Variants in TECRL observed in about 807,000 individuals in gnomAD.
The protein encoded by TECRL is trans-2,3-enoyl-CoA reductase-like.
In TECRL, 63 loss-of-function variants were observed where a neutral mutation model predicts 52.8. The ratio of observed to expected loss-of-function variants is 1.19; its 90% confidence interval spans 0.97 to 1.47. The LOEUF is 1.47. Ranked by LOEUF, TECRL falls within the 40% of genes most tolerant of loss-of-function variation. TECRL has a pLI of 0.00. For synonymous variants in TECRL, 164 were observed against 141.9 expected, an observed-to-expected ratio of 1.16 and a Z score of -1.10; for missense variants, 482 against 429.6, an observed-to-expected ratio of 1.12 and a Z score of -1.08.
intron 9 of TECRL, among the ~76,000 whole-genome samples, chr4:64,283,504 T>C (rs1178526600): frequency 6.6e-6 from 1 of 152,088 alleles, no homozygotes; most frequent in Non-Finnish European, 1.5e-5. Flanking sequence ...TATATTGTTA[T>C]GTTATAGTGG....
chr4:64,370,461 C>T (rs1249516193), intron 2 of TECRL, among the ~76,000 whole-genome samples: 1 of 151,714 alleles, frequency 6.6e-6, no homozygotes, highest in Non-Finnish European at 1.5e-5. Context: ...AAAGCAATAA[C>T]AAAATAAATT....
Position 64,279,682 on chromosome 4 carries a change from A to G in TECRL, c.*390T>C, listed in dbSNP as rs921915287. ...AGTTAATGTTGAGCATTTTAAAAATATACTTATTGACCATGTATATGTCTT... is the reference window on the plus strand; with the variant it reads ...AGTTAATGTTGAGCATTTTAAAAATGTACTTATTGACCATGTATATGTCTT... On this transcript the variant is annotated 3_prime_UTR_variant, in exon 12 of 12. Transcript: ENST00000381210. 21 of 596,044 alleles carry G rather than the reference A, an allele frequency of 3.5e-5. No individual in the cohort carries two copies. The highest frequency in any genetic ancestry group is 4.4e-5 in the Non-Finnish European group (21 of 474,788). The allele number at this position is 596,044 out of a possible 1,614,324, so 36.9% of individuals were successfully genotyped here.
At chr4:64,307,000 G>A (rs540442076) in intron 6 of TECRL, among the ~76,000 whole-genome samples, 9 of 152,216 alleles carry the variant, frequency 5.9e-5, no homozygotes, top group Admixed American at 2.0e-4. Flanking sequence ...ATGTCTGGGG[G>A]AGCCCTAATT....
chr4:64,280,292 T>C (rs1212775411), intron 11 of TECRL, 93 bp from the exon 12 acceptor site: 3 of 1,035,068 alleles, frequency 2.9e-6, no homozygotes, highest in Non-Finnish European at 3.9e-6. Flanking sequence ...GCTTTTAAGA[T>C]GTTTCTCAAA....
At chr4:64,403,540 C>T (rs1407790371) in intron 1 of TECRL, among the ~76,000 whole-genome samples, 3 of 151,458 alleles carry the variant, frequency 2.0e-5, no homozygotes, top group Non-Finnish European at 4.4e-5. Flanking sequence ...AGGCATATCT[C>T]CCTGTTATAT....
intron 6 of TECRL, among the ~76,000 whole-genome samples, chr4:64,307,349 G>C (rs866634368): frequency 1.3e-5 from 2 of 152,296 alleles, no homozygotes; most frequent in South Asian, 2.1e-4. Context: ...ACACTGGAGA[G>C]CTGGGGTGCA....
chr4:64,353,872 A>G, intron 2 of TECRL, among the ~76,000 whole-genome samples: 1 of 152,158 alleles, frequency 6.6e-6, no homozygotes, highest in African/African-American at 2.4e-5. Context: ...ATAAGAGACC[A>G]AAAAACGATA....
chr4:64,374,052 C>CATATATATAT (rs77300773), intron 2 of TECRL, among the ~76,000 whole-genome samples: 71 of 105,952 alleles, frequency 6.7e-4, no homozygotes, highest in African/African-American at 2.3e-3. Flanking sequence ...ATAGTAGATA[C>CATATATATAT]ATATATATAT....
intron 6 of TECRL, among the ~76,000 whole-genome samples, chr4:64,306,349 G>C (rs947270860): frequency 1.3e-5 from 2 of 152,072 alleles, no homozygotes; most frequent in Non-Finnish European, 2.9e-5. Context: ...GATATCCTGG[G>C]GCAACTGAAG....
At chr4:64,393,391 T>C (rs910189145) in intron 1 of TECRL, among the ~76,000 whole-genome samples, 1 of 152,028 alleles carries the variant, frequency 6.6e-6, no homozygotes, top group Non-Finnish European at 1.5e-5. Context: ...ATTTCTTCCA[T>C]GTGTATGGAA....
chr4:64,376,690 A>G (rs1485117889), intron 1 of TECRL, among the ~76,000 whole-genome samples: 1 of 151,950 alleles, frequency 6.6e-6, no homozygotes, highest in East Asian at 1.9e-4. Flanking sequence ...ATCAAGGGCC[A>G]TGTAATTTTA....
At chr4:64,362,605 G>A (rs1232831941) in intron 2 of TECRL, among the ~76,000 whole-genome samples, 1 of 148,738 alleles carries the variant, frequency 6.7e-6, no homozygotes, top group Non-Finnish European at 1.5e-5. Flanking sequence ...AGTCAATTGA[G>A]CTTCATAAAC....
intron 1 of TECRL, among the ~76,000 whole-genome samples, chr4:64,387,140 A>G (rs1723233466): frequency 6.6e-6 from 1 of 152,188 alleles, no homozygotes. Context: ...TTGCCTTCCC[A>G]GAAAGTCATA....
chr4:64,330,672 T>TC (rs1194088711), intron 2 of TECRL, among the ~76,000 whole-genome samples: 2 of 152,004 alleles, frequency 1.3e-5, no homozygotes, highest in Non-Finnish European at 2.9e-5. Flanking sequence ...CAAAACTTTA[T>TC]CCCATAGAAA....
intron 3 of TECRL, among the ~76,000 whole-genome samples, chr4:64,325,945 T>G (rs965787726): frequency 1.3e-5 from 2 of 152,096 alleles, no homozygotes; most frequent in Non-Finnish European, 2.9e-5. Flanking sequence ...TGGCTTTCCA[T>G]GATTATGTCC....
At chr4:64,349,135 G>A (rs200744379) in intron 2 of TECRL, among the ~76,000 whole-genome samples, 3 of 30,816 alleles carry the variant, frequency 9.7e-5, no homozygotes, top group Non-Finnish European at 2.5e-4. Context: ...TATAAAAAAC[G>A]TTTTTTTTTT....
At chr4:64,338,397 A>C (rs1719288014) in intron 2 of TECRL, among the ~76,000 whole-genome samples, 1 of 152,230 alleles carries the variant, frequency 6.6e-6, no homozygotes, top group South Asian at 2.1e-4. Context: ...CTAAAACACC[A>C]AAAGCAATGG....
chr4:64,311,883 G>A (rs1250573756), intron 5 of TECRL, among the ~76,000 whole-genome samples: 1 of 152,062 alleles, frequency 6.6e-6, no homozygotes, highest in Non-Finnish European at 1.5e-5. Context: ...ATCAAGTAAG[G>A]TTCAGGATAT....
chr4:64,310,452 T>G (rs1277317720), intron 5 of TECRL, among the ~76,000 whole-genome samples: 3 of 152,194 alleles, frequency 2.0e-5, no homozygotes, highest in Non-Finnish European at 4.4e-5. Context: ...TTTGTTTTGT[T>G]TGTTTTTTCC....
Sources: gnomAD v4.1 joint callset for allele counts (sites outside exome capture counted in the v4.1 genomes callset) on GRCh38, gnomAD v4.1.1 for gene constraint, MANE v1.5 for transcripts, NCBI Gene and HGNC (gene_info 2026-07-23, HGNC 2026-07-21) for gene names.